Variants in ZMYM2 observed in about 807,000 individuals in gnomAD.
ZMYM2 encodes zinc finger MYM-type protein 2.
Under a neutral mutation model 162.8 loss-of-function variants are expected in ZMYM2, and 56 were observed. That is an observed-to-expected ratio of 0.34 (90% CI 0.28 to 0.43). ZMYM2 has a LOEUF of 0.43. ZMYM2 is among the 20% of genes least tolerant of loss of function. The pLI, the probability that ZMYM2 is intolerant of heterozygous loss-of-function variation, is 1.00. For synonymous variants in ZMYM2, 510 were observed against 541.6 expected (o/e 0.94, Z 0.81); for missense variants, 1,275 against 1,621.8 (o/e 0.79, Z 3.67).
chr13:19,883,218 G>C, the ZMYM2 span, among the ~76,000 whole-genome samples: 28 of 152,316 alleles, frequency 1.8e-4, no homozygotes, highest in Non-Finnish European at 3.5e-4. Context: ...ACAGGAACCA[G>C]ATAGGTGGTT....
intron 24 of ZMYM2, 125 bp downstream of exon 24, chr13:20,083,901 C>A: frequency 1.1e-6 from 1 of 950,382 alleles, no homozygotes; most frequent in Non-Finnish European, 1.6e-6. Context: ...CTCAGTTATA[C>A]CCAAGTTCAT....
rs771733613 is a variant in ZMYM2 at position 19,962,173 on chromosome 13, TATC to T, written c.-11+2148_-11+2150del. On this transcript the variant is annotated intron_variant, in intron 2 of 24. Transcript: ENST00000610343. ...TTCTGTGTGGATATAGAGCTTATATTATCTTTGAACAACAGTTTTTATTTTTTC... is the reference window on the plus strand; with the variant it reads ...TTCTGTGTGGATATAGAGCTTATATTTTTGAACAACAGTTTTTATTTTTTC... 1.3e-3 allele frequency among the ~76,000 whole-genome samples: 199 copies of T among 152,272 alleles called. 2 individuals are homozygous for T. The highest frequency in any genetic ancestry group is 1.4e-3 in the Non-Finnish European group (93 of 68,016).
intron 12 of ZMYM2, among the ~76,000 whole-genome samples, chr13:20,047,304 T>C (rs1954916790): frequency 6.6e-6 from 1 of 152,250 alleles, no homozygotes; most frequent in Non-Finnish European, 1.5e-5. Flanking sequence ...CTATTCACTG[T>C]TGCCATGGTA....
chr13:20,052,048 C>T (rs1402674236), intron 13 of ZMYM2, among the ~76,000 whole-genome samples: 5 of 151,814 alleles, frequency 3.3e-5, no homozygotes, highest in East Asian at 1.9e-4. Context: ...AGTATTTCCC[C>T]GAAAGCAGTG....
intron 12 of ZMYM2, among the ~76,000 whole-genome samples, chr13:20,044,459 T>C (rs1954574413): frequency 1.3e-5 from 2 of 152,178 alleles, no homozygotes; most frequent in African/African-American, 4.8e-5. Context: ...TCTTCCCTCC[T>C]CTACTCTTGG....
intron 6 of ZMYM2, among the ~76,000 whole-genome samples, chr13:20,019,094 C>A (rs67032924): frequency 0.91 from 122,340 of 134,394 alleles, 55,687 homozygotes; most frequent in Non-Finnish European, 0.95. Flanking sequence ...AAAAAAAAAA[C>A]AACAACAACA....
the ZMYM2 span, among the ~76,000 whole-genome samples, chr13:19,917,833 T>G: frequency 6.6e-6 from 1 of 151,874 alleles, no homozygotes; most frequent in African/African-American, 2.4e-5. Context: ...CCGAGGCAGG[T>G]GGATAGCTTG....
At chr13:20,015,200 T>C (rs537583441) in intron 6 of ZMYM2, among the ~76,000 whole-genome samples, 1 of 152,342 alleles carries the variant, frequency 6.6e-6, no homozygotes, top group East Asian at 1.9e-4. Context: ...AAATTTCCTG[T>C]GATTTCTTCT....
the ZMYM2 span, among the ~76,000 whole-genome samples, chr13:19,919,521 A>ATT: frequency 6.6e-6 from 1 of 151,380 alleles, no homozygotes; most frequent in African/African-American, 2.4e-5. Context: ...TATTTTTACC[A>ATT]TTTTTTTTAG....
rs781433954 is a variant in ZMYM2 at position 19,993,796 on chromosome 13, C to T, written c.724C>T (p.Gln242Ter). The part of the protein sequence containing the change: ...LQSSNFGVNI[Q>*]TYTPSLTSQT... ...GTCAAGTAATTTTGGTGTTAATATA[C>T]AAACATACACCCCATCTTTAACTTC... Residue 242 changes from glutamine (Q) to a stop codon, truncating the protein, a stop_gained, in exon 3 of 25, where the codon CAA (glutamine) becomes TAA (stop). Transcript: ENST00000610343. LOFTEE classifies it high-confidence loss of function. 6.2e-7 allele frequency: 1 copy of T among 1,614,180 alleles called. No individual in the cohort carries two copies. The highest frequency in any genetic ancestry group is 8.5e-7 in the Non-Finnish European group (1 of 1,180,022).
chr13:20,043,127 G>A (rs190330636), intron 12 of ZMYM2, among the ~76,000 whole-genome samples: 7 of 152,102 alleles, frequency 4.6e-5, no homozygotes, highest in Admixed American at 1.3e-4. Flanking sequence ...TTAAGGGACC[G>A]GTGCTAAGTT....
intron 14 of ZMYM2, among the ~76,000 whole-genome samples, chr13:20,056,714 G>A (rs2140685097): frequency 6.6e-6 from 1 of 150,788 alleles, no homozygotes; most frequent in East Asian, 1.9e-4. Context: ...AACATAATGT[G>A]CATCACACAG....
At chr13:19,925,349 T>C in the ZMYM2 span, among the ~76,000 whole-genome samples, 1 of 152,188 alleles carries the variant, frequency 6.6e-6, no homozygotes, top group Non-Finnish European at 1.5e-5. Context: ...AGGTCTTAAA[T>C]GTTATCAAGT....
chr13:19,915,949 T>TC, the ZMYM2 span, among the ~76,000 whole-genome samples: 3 of 149,974 alleles, frequency 2.0e-5, no homozygotes, highest in Admixed American at 6.7e-5. Flanking sequence ...AAGCTCCGCC[T>TC]CCCGGGTTCA....
chr13:20,047,303 G>T (rs1182877407), intron 12 of ZMYM2, among the ~76,000 whole-genome samples: 1 of 152,136 alleles, frequency 6.6e-6, no homozygotes, highest in Non-Finnish European at 1.5e-5. Context: ...TCTATTCACT[G>T]TTGCCATGGT....
intron 9 of ZMYM2, among the ~76,000 whole-genome samples, 197 bp from the exon 10 acceptor site, chr13:20,031,122 A>T (rs1476062908): frequency 2.0e-5 from 3 of 152,188 alleles, no homozygotes; most frequent in Non-Finnish European, 4.4e-5. Context: ...GTTAAAAATT[A>T]AATTTAATTT....
intron 2 of ZMYM2, among the ~76,000 whole-genome samples, chr13:19,975,195 A>G (rs930492366): frequency 3.3e-5 from 5 of 149,284 alleles, no homozygotes; most frequent in Admixed American, 6.7e-5. Flanking sequence ...AAAAAAAAGT[A>G]TAGTAACATA....
chr13:19,913,593 T>C, the ZMYM2 span, among the ~76,000 whole-genome samples: 8 of 152,092 alleles, frequency 5.3e-5, no homozygotes, highest in Non-Finnish European at 1.2e-4. Context: ...GGCATGGTGG[T>C]GGATGTCTGT....
chr13:19,905,678 C>G, the ZMYM2 span, among the ~76,000 whole-genome samples: 1 of 152,322 alleles, frequency 6.6e-6, no homozygotes, highest in African/African-American at 2.4e-5. Context: ...GAGGTTCTCA[C>G]CCATGTTTTC....
Sources: gnomAD v4.1 joint callset for allele counts (sites outside exome capture counted in the v4.1 genomes callset) on GRCh38, gnomAD v4.1.1 for gene constraint, MANE v1.5 for transcripts, NCBI Gene and HGNC (gene_info 2026-07-23, HGNC 2026-07-21) for gene names.